The following DNM2 variants were observed in gnomAD, a reference collection of about 807,000 sequenced individuals.
The protein encoded by DNM2 is dynamin-2.
A neutral mutation model predicts 99.0 loss-of-function variants in DNM2; 15 were observed. The observed-to-expected ratio is 0.15, with a 90% CI of 0.10 to 0.23. The LOEUF (loss-of-function observed/expected upper bound fraction) is 0.23. Ranked by LOEUF, DNM2 falls within the 10% of genes least tolerant of loss-of-function variation. The pLI is 1.00. For synonymous variants in DNM2, 525 were observed against 481.2 expected, an observed-to-expected ratio of 1.09 and a Z score of -1.19; for missense variants, 742 against 1,189.4, an observed-to-expected ratio of 0.62 and a Z score of 5.53.
At position 10,796,120 on chromosome 19, in the gene DNM2, A is replaced by T; in HGVS notation, c.1196+681A>T. On this transcript the variant is annotated intron_variant, in intron 9 of 20. Coordinates refer to ENST00000389253, the MANE Select transcript of DNM2 (RefSeq NM_001005361.3). The surrounding 1 kb of genome is among the most constrained non-coding windows in gnomAD (Gnocchi z 5.6). ...GCCATTGTGAAAAAGCAGGTCGTCAAGCTGAAAGAGCCCTGTCTGAAATGT... is the reference window on the plus strand; with the variant it reads ...GCCATTGTGAAAAAGCAGGTCGTCATGCTGAAAGAGCCCTGTCTGAAATGT... 1 of 1,614,186 alleles carries T rather than the reference A, an allele frequency of 6.2e-7. No individual in the cohort carries two copies. Among genetic ancestry groups the T allele is most frequent in the East Asian group, 2.2e-5 (1 of 44,888 alleles).
At chr19:10,776,267 C>G (rs1056062158) in intron 4 of DNM2, among the ~76,000 whole-genome samples, 3 of 152,250 alleles carry the variant, frequency 2.0e-5, no homozygotes, top group Non-Finnish European at 4.4e-5. Context: ...AGAACGGGAA[C>G]TTCAGTCCTA....
intron 12 of DNM2, chr19:10,802,647 G>C (rs2072193859): frequency 2.1e-6 from 1 of 487,070 alleles, no homozygotes. Flanking sequence ...GCCAGCTGCT[G>C]CACCCCCTCT....
intron 1 of DNM2, among the ~76,000 whole-genome samples, chr19:10,754,452 C>G (rs188457837): frequency 6.6e-6 from 1 of 152,118 alleles, no homozygotes; most frequent in South Asian, 2.1e-4. Context: ...GGGGTTTTAC[C>G]GTGTTGGCCA....
In DNM2 at chr19:10,772,427, G is replaced by A. The variant is rs986935605; in HGVS notation, c.236-52G>A. On this transcript the variant is annotated intron_variant, in intron 2 of 20. Transcript: ENST00000389253. The surrounding 1 kb of genome is among the most constrained non-coding windows in gnomAD (Gnocchi z 4.9). Reference sequence around the variant, plus strand: ...AAGCATTTCTCCCCGCAGTCCATGCGCACCCTGCCCACAGCTCTTTCTCAT... The same window carrying A: ...AAGCATTTCTCCCCGCAGTCCATGCACACCCTGCCCACAGCTCTTTCTCAT... 23 of 1,608,848 alleles carry A rather than the reference G, an allele frequency of 1.4e-5. No individual in the cohort carries two copies. Among genetic ancestry groups the A allele is most frequent in the South Asian group, 9.9e-5 (9 of 91,018 alleles).
intron 6 of DNM2, 112 bp downstream of exon 6, chr19:10,783,232 A>G (rs1220475681): frequency 1.3e-6 from 2 of 1,502,212 alleles, no homozygotes; most frequent in East Asian, 2.3e-5. Context: ...TTTTAGCAAA[A>G]TGGGTTCAGT....
At position 10,767,085 on chromosome 19, in the gene DNM2, A is replaced by G. The variant is rs561347037; in HGVS notation, c.236-5394A>G. ...TGGCTGTGGGGTGCAGCTTGATGGC[A>G]GGGACCGGGACAGGCAGAGCCAGGG... On this transcript the variant is annotated intron_variant, in intron 2 of 20. Coordinates refer to ENST00000389253, the MANE Select transcript of DNM2 (RefSeq NM_001005361.3). 3.9e-5 allele frequency among the ~76,000 whole-genome samples: 6 copies of G among 152,158 alleles called. No homozygotes were observed. In the East Asian group the frequency reaches 1.2e-3, roughly 29 times the overall value.
At chr19:10,766,438 G>A (rs555822092) in intron 2 of DNM2, among the ~76,000 whole-genome samples, 20 of 152,256 alleles carry the variant, frequency 1.3e-4, no homozygotes, top group Admixed American at 7.9e-4. Flanking sequence ...CTGAGAAGGT[G>A]GCAGCTTGCA....
At chr19:10,741,858 C>G (rs892554449) in intron 1 of DNM2, among the ~76,000 whole-genome samples, 38 of 152,104 alleles carry the variant, frequency 2.5e-4, no homozygotes, top group Admixed American at 1.7e-3. Flanking sequence ...GCCAATATTT[C>G]TTTTGTTCTG....
intron 7 of DNM2, among the ~76,000 whole-genome samples, chr19:10,790,941 G>T (rs1245431106): frequency 6.6e-6 from 1 of 151,968 alleles, no homozygotes; most frequent in Non-Finnish European, 1.5e-5. Context: ...GCTAATTTTT[G>T]TATTTTTGTA....
intron 2 of DNM2, among the ~76,000 whole-genome samples, chr19:10,771,769 C>A (rs780158635): frequency 3.3e-5 from 5 of 152,166 alleles, no homozygotes; most frequent in Admixed American, 6.5e-5. Flanking sequence ...ATCAGTCAAT[C>A]AACAAATAAA....
chr19:10,823,824 C>T lies in DNM2; in HGVS notation c.1818C>T (p.Ala606=). ...AGGACCTGCGGCAGATCGAGCTGGC[C>T]TGTGACTCCCAGGAAGACGTGGACA... ...VYKDLRQIEL[A]CDSQEDVDSW... The change falls in exon 17 of 21, where the codon GCC becomes GCT. Residue 606 remains alanine, a synonymous_variant. Coordinates refer to ENST00000389253, the MANE Select transcript of DNM2 (RefSeq NM_001005361.3). 1 of 1,613,856 alleles carries T rather than the reference C, an allele frequency of 6.2e-7. No individual in the cohort carries two copies. Among genetic ancestry groups the T allele is most frequent in the Non-Finnish European group, 8.5e-7 (1 of 1,180,008 alleles).
At chr19:10,752,654 C>G (rs1297009134) in intron 1 of DNM2, among the ~76,000 whole-genome samples, 3 of 152,242 alleles carry the variant, frequency 2.0e-5, no homozygotes, top group Non-Finnish European at 4.4e-5. Flanking sequence ...CATGTTCATG[C>G]CACCCCCAGA....
chr19:10,721,827 C>G (rs371742565), intron 1 of DNM2, among the ~76,000 whole-genome samples: 38 of 152,306 alleles, frequency 2.5e-4, no homozygotes, highest in African/African-American at 9.1e-4. Context: ...TTTGTTTTAC[C>G]TGCGTAGCTT....
At chr19:10,828,858 G>C (rs2073237006) in intron 18 of DNM2, 178 bp from the exon 19 acceptor site, 15 of 641,344 alleles carry the variant, frequency 2.3e-5, no homozygotes, top group African/African-American at 3.6e-5. Flanking sequence ...CCGGGAGGCG[G>C]AGGTTGCAGT....
At chr19:10,750,524 A>G (rs890802687) in intron 1 of DNM2, among the ~76,000 whole-genome samples, 2 of 152,020 alleles carry the variant, frequency 1.3e-5, no homozygotes, top group Middle Eastern at 3.2e-3. Context: ...ACCTGTAGTC[A>G]TAGCTACTCA....
chr19:10,727,827 C>A (rs956089937), intron 1 of DNM2, among the ~76,000 whole-genome samples: 1 of 152,030 alleles, frequency 6.6e-6, no homozygotes, highest in African/African-American at 2.4e-5. Context: ...AATTATAGGC[C>A]CCTCGGCTGC....
chr19:10,719,058 G>T (rs747249643), intron 1 of DNM2, among the ~76,000 whole-genome samples: 3 of 152,132 alleles, frequency 2.0e-5, no homozygotes, highest in Non-Finnish European at 4.4e-5. Context: ...TGTCTGACTG[G>T]CTAGCTGACT....
chr19:10,827,462 G>A (rs1032138905), intron 18 of DNM2, among the ~76,000 whole-genome samples: 3 of 151,576 alleles, frequency 2.0e-5, no homozygotes, highest in African/African-American at 7.3e-5. Context: ...CCAGCTACTC[G>A]GGAAGCTGAG....
At chr19:10,814,373 A>C (rs1043829790) in intron 15 of DNM2, among the ~76,000 whole-genome samples, 3 of 152,078 alleles carry the variant, frequency 2.0e-5, no homozygotes, top group African/African-American at 7.2e-5. Context: ...CTGAGGTGGG[A>C]GAATCGCTTG....
Sources: gnomAD v4.1 joint callset for allele counts (sites outside exome capture counted in the v4.1 genomes callset) on GRCh38, gnomAD v4.1.1 for gene constraint, Gnocchi (gnomAD v3.1) non-coding constraint, MANE v1.5 for transcripts, NCBI Gene and HGNC (gene_info 2026-07-23, HGNC 2026-07-21) for gene names.